LMX1A: variants seen among roughly 807,000 people sequenced by gnomAD.
LMX1A encodes LIM homeobox transcription factor 1-alpha.
Under a neutral mutation model 49.1 loss-of-function variants are expected in LMX1A, and 15 were observed. The observed-to-expected ratio is 0.31, with a 90% CI of 0.20 to 0.47. The LOEUF (loss-of-function observed/expected upper bound fraction) is 0.47, where lower values mean the gene tolerates loss of function less well. LMX1A is among the 20% of genes least tolerant of loss of function. The probability of loss-of-function intolerance (pLI) is 1.00; values close to 1 mark genes in which losing one functional copy is unlikely to be tolerated. For missense variants in LMX1A, 372 were observed against 475.8 expected, an observed-to-expected ratio of 0.78 and a Z score of 2.03; for synonymous variants, 167 against 185.7, an observed-to-expected ratio of 0.90 and a Z score of 0.82.
intron 7 of LMX1A, 60 bp from the exon 8 acceptor site, chr1:165,206,094 T>C: frequency 7.0e-7 from 1 of 1,418,816 alleles, no homozygotes; most frequent in Non-Finnish European, 9.5e-7. Context: ...GTGATTTCCC[T>C]GGGTCCTGAT....
chr1:165,253,202 T>C (rs139037111), intron 3 of LMX1A, among the ~76,000 whole-genome samples: 2 of 152,136 alleles, frequency 1.3e-5, no homozygotes, highest in African/African-American at 4.8e-5. Flanking sequence ...AACGAATAGA[T>C]AAATCATATC....
At chr1:165,310,537 C>T (rs945131927) in intron 3 of LMX1A, among the ~76,000 whole-genome samples, 8 of 152,204 alleles carry the variant, frequency 5.3e-5, no homozygotes, top group African/African-American at 1.2e-4. Flanking sequence ...TACCCCCTGA[C>T]GAAACTGGAA....
chr1:165,325,485 A>ATG (rs1655545978), intron 3 of LMX1A, among the ~76,000 whole-genome samples: 17 of 151,666 alleles, frequency 1.1e-4, no homozygotes, highest in Admixed American at 1.1e-3. Context: ...GTGTGTATAC[A>ATG]TTCTTTCCAA....
chr1:165,273,859 G>A (rs149157341), intron 3 of LMX1A, among the ~76,000 whole-genome samples: 229 of 152,310 alleles, frequency 1.5e-3, no homozygotes, highest in African/African-American at 5.1e-3. Flanking sequence ...CAAATGAGGC[G>A]CCCTTGGGAG....
intron 3 of LMX1A, among the ~76,000 whole-genome samples, chr1:165,260,538 A>T (rs559625325): frequency 1.3e-5 from 2 of 152,302 alleles, no homozygotes. Context: ...AACTTTTTTT[A>T]AAGCCATAGT....
At chr1:165,281,056 G>A (rs1654131592) in intron 3 of LMX1A, among the ~76,000 whole-genome samples, 1 of 152,162 alleles carries the variant, frequency 6.6e-6, no homozygotes, top group African/African-American at 2.4e-5. Flanking sequence ...GGTGGCTGGA[G>A]TCCTACTGAC....
chr1:165,219,127 G>C (rs888201806), intron 4 of LMX1A: 4 of 152,144 alleles, frequency 2.6e-5, no homozygotes, highest in Admixed American at 1.3e-4. Flanking sequence ...CCCCCTTGCT[G>C]TTCCTTCCAC....
At chr1:165,216,300 T>C (rs142527556) in intron 4 of LMX1A, among the ~76,000 whole-genome samples, 8 of 152,288 alleles carry the variant, frequency 5.3e-5, no homozygotes, top group African/African-American at 1.7e-4. Context: ...AAGAAAGCCA[T>C]TGACTGCACA....
rs1215186719 is a variant in LMX1A at position 165,354,161 on chromosome 1, C to A, written c.77-899G>T. On this transcript the variant is annotated intron_variant, in intron 2 of 8. Transcript: ENST00000342310. ...AGCTATTTAAAGAAGGCCTTGTCCC[C>A]CAGCAACAACACTCTTGCCCTTGTC... is the stretch of plus-strand genomic sequence containing the variant. 2.6e-5 allele frequency among the ~76,000 whole-genome samples: 4 copies of A among 152,228 alleles called. No homozygotes were observed. The South Asian group carries it at 8.3e-4, about 32-fold the overall frequency.
chr1:165,298,068 G>A (rs1480473481), intron 3 of LMX1A, among the ~76,000 whole-genome samples: 3 of 152,228 alleles, frequency 2.0e-5, no homozygotes, highest in African/African-American at 7.2e-5. Flanking sequence ...TACAGGACTT[G>A]AAAGAAATAA....
intron 4 of LMX1A, among the ~76,000 whole-genome samples, chr1:165,219,647 T>C (rs1651766702): frequency 6.6e-6 from 1 of 152,208 alleles, no homozygotes; most frequent in Non-Finnish European, 1.5e-5. Flanking sequence ...GCAAAGTCCA[T>C]GTAGCTACTG....
rs555012695 is a variant in LMX1A at position 165,287,170 on chromosome 1, A to G, written c.264-37530T>C. Among the ~76,000 whole-genome samples, 564 of 152,348 alleles carry G rather than the reference A, an allele frequency of 3.7e-3. 3 individuals are homozygous for G. The highest frequency in any genetic ancestry group is 6.6e-3 in the Non-Finnish European group (447 of 68,034). ...CCCCATTGGCTAGCCAGTTGCCCCA[A>G]GTAGCACAGAGTGGGCTTCCTTCCA... is the stretch of plus-strand genomic sequence containing the variant. On this transcript the variant is annotated intron_variant, in intron 3 of 8. Transcript: ENST00000342310.
intron 3 of LMX1A, among the ~76,000 whole-genome samples, chr1:165,337,888 C>CTGTGTGTGTGTG (rs6143463): frequency 0.017 from 2,504 of 147,018 alleles, 45 homozygotes; most frequent in East Asian, 0.083. Context: ...GTGTGTGTTT[C>CTGTGTGTGTGTG]TGTGTGTGTG....
At chr1:165,251,178 G>A (rs999072137) in intron 3 of LMX1A, among the ~76,000 whole-genome samples, 2 of 151,916 alleles carry the variant, frequency 1.3e-5, no homozygotes. Flanking sequence ...TGCCTCTTGG[G>A]TTCAAGCGAT....
chr1:165,236,969 T>C (rs761866375), intron 4 of LMX1A, among the ~76,000 whole-genome samples: 4 of 152,140 alleles, frequency 2.6e-5, no homozygotes, highest in Non-Finnish European at 4.4e-5. Context: ...GGTTTCCTTC[T>C]ACAAGAATGT....
At chr1:165,334,650 TAA>T (rs1276519105) in intron 3 of LMX1A, among the ~76,000 whole-genome samples, 5 of 32,772 alleles carry the variant, frequency 1.5e-4, no homozygotes, top group Non-Finnish European at 4.9e-4. Context: ...CCGTTTTGCT[TAA>T]ATTAAATTCT....
chr1:165,217,950 T>C (rs1023517841), intron 4 of LMX1A, among the ~76,000 whole-genome samples: 1 of 152,266 alleles, frequency 6.6e-6, no homozygotes, highest in African/African-American at 2.4e-5. Context: ...TCTACAGACG[T>C]TTCATCTAAA....
At chr1:165,291,839 G>A (rs1440120339) in intron 3 of LMX1A, among the ~76,000 whole-genome samples, 6 of 151,972 alleles carry the variant, frequency 3.9e-5, no homozygotes, top group Non-Finnish European at 8.8e-5. Context: ...CGAGACGGGC[G>A]GATCACAAGG....
chr1:165,293,775 C>A (rs1364768112), intron 3 of LMX1A, among the ~76,000 whole-genome samples: 1 of 152,138 alleles, frequency 6.6e-6, no homozygotes, highest in Non-Finnish European at 1.5e-5. Flanking sequence ...GAAGGGATGA[C>A]CAGCCTCCCT....
Sources: allele counts gnomAD v4.1 joint callset (sites outside exome capture counted in the v4.1 genomes callset), GRCh38; gene constraint gnomAD v4.1.1; transcripts MANE v1.5; gene names NCBI Gene and HGNC (gene_info 2026-07-23, HGNC 2026-07-21).